SORCS1: variants seen among roughly 807,000 people sequenced by gnomAD.
SORCS1 encodes the protein VPS10 domain-containing receptor SorCS1.
In SORCS1, 60 loss-of-function variants were observed where a neutral mutation model predicts 146.1. The ratio of observed to expected loss-of-function variants is 0.41; its 90% CI spans 0.33 to 0.51. SORCS1 has a LOEUF of 0.51. Ranked by LOEUF, SORCS1 falls within the 20% of genes least tolerant of loss-of-function variation. The pLI is 0.21. For missense variants in SORCS1, 1,352 were observed against 1,487.6 expected (o/e 0.91, Z 1.50); for synonymous variants, 637 against 584.0 (o/e 1.09, Z -1.31).
chr10:107,086,491 T>C (rs1343066246), intron 1 of SORCS1, among the ~76,000 whole-genome samples: 1 of 152,260 alleles, frequency 6.6e-6, no homozygotes, highest in Non-Finnish European at 1.5e-5. Context: ...TATGGCATGT[T>C]GGAAAGACCA....
intron 23 of SORCS1, among the ~76,000 whole-genome samples, chr10:106,606,303 A>G (rs1846583407): frequency 1.1e-5 from 1 of 91,488 alleles, no homozygotes; most frequent in Non-Finnish European, 3.1e-5. Context: ...ACACACACAC[A>G]CACACACACA....
At chr10:107,160,740 C>T (rs1969639217) in intron 1 of SORCS1, among the ~76,000 whole-genome samples, 2 of 152,160 alleles carry the variant, frequency 1.3e-5, no homozygotes, top group Non-Finnish European at 2.9e-5. Context: ...GAGATATTAA[C>T]ACCCGTCACC....
At chr10:107,006,047 T>C (rs991759335) in intron 1 of SORCS1, among the ~76,000 whole-genome samples, 4 of 152,250 alleles carry the variant, frequency 2.6e-5, no homozygotes, top group African/African-American at 7.2e-5. Flanking sequence ...TTGTCCAATT[T>C]AATACATATC....
intron 1 of SORCS1, among the ~76,000 whole-genome samples, chr10:106,971,341 C>T (rs1955778278): frequency 1.3e-5 from 2 of 152,236 alleles, no homozygotes; most frequent in East Asian, 1.9e-4. Context: ...TAAGGAATTC[C>T]AGTATTTGTG....
intron 1 of SORCS1, among the ~76,000 whole-genome samples, chr10:107,003,876 T>C (rs947464411): frequency 4.6e-5 from 7 of 152,092 alleles, no homozygotes; most frequent in Non-Finnish European, 1.0e-4. Flanking sequence ...ACAAATCCCT[T>C]TTTAAAGCAG....
intron 1 of SORCS1, among the ~76,000 whole-genome samples, chr10:106,992,560 TCACAG>T (rs887005246): frequency 2.0e-5 from 3 of 151,968 alleles, no homozygotes; most frequent in African/African-American, 7.2e-5. Flanking sequence ...AGTGGCACAA[TCACAG>T]CTCACTGCAG....
intron 1 of SORCS1, among the ~76,000 whole-genome samples, chr10:107,005,582 A>G (rs777856732): frequency 3.9e-5 from 6 of 152,198 alleles, no homozygotes; most frequent in African/African-American, 9.7e-5. Flanking sequence ...GAATACCTAC[A>G]TATTATGTAC....
chr10:106,990,684 G>C (rs913038861), intron 1 of SORCS1, among the ~76,000 whole-genome samples: 1 of 152,172 alleles, frequency 6.6e-6, no homozygotes, highest in African/African-American at 2.4e-5. Flanking sequence ...AGGACTTAAG[G>C]AGATCGGAGA....
At chr10:106,712,606 G>C (rs182518548) in intron 6 of SORCS1, among the ~76,000 whole-genome samples, 2 of 151,782 alleles carry the variant, frequency 1.3e-5, no homozygotes, top group Non-Finnish European at 2.9e-5. Context: ...TACTTTAGCT[G>C]TAAGAATTAA....
intron 2 of SORCS1, among the ~76,000 whole-genome samples, chr10:106,885,300 T>C (rs561749593): frequency 6.6e-6 from 1 of 151,098 alleles, no homozygotes; most frequent in African/African-American, 2.4e-5. Context: ...GGGGGGAACT[T>C]GAAGAAAGGG....
chr10:106,700,648 T>C (rs821950), intron 8 of SORCS1, among the ~76,000 whole-genome samples: 140,773 of 152,144 alleles, frequency 0.93, 65,393 homozygotes, highest in Middle Eastern at 0.98. Context: ...CTAAATTTCT[T>C]ATTGTCATAT....
intron 1 of SORCS1, among the ~76,000 whole-genome samples, chr10:107,074,566 G>A (rs1307033828): frequency 6.6e-6 from 1 of 152,160 alleles, no homozygotes; most frequent in Admixed American, 6.5e-5. Context: ...ATTGCAAGGA[G>A]TGCAATTGCT....
At chr10:106,918,184 G>A (rs745865446) in intron 2 of SORCS1, among the ~76,000 whole-genome samples, 41 of 152,094 alleles carry the variant, frequency 2.7e-4, no homozygotes, top group Non-Finnish European at 4.3e-4. Flanking sequence ...TTTTTGATAC[G>A]GAGTCTCGCT....
chr10:106,896,650 T>C (rs1820428892), intron 2 of SORCS1, among the ~76,000 whole-genome samples: 1 of 151,802 alleles, frequency 6.6e-6, no homozygotes, highest in Admixed American at 6.6e-5. Flanking sequence ...TTAGGTTATA[T>C]GTTTTTTACA....
rs750976447 is a variant in SORCS1, at chr10:106,627,420, GATA to G, written c.2662+1779_2662+1781del. Among the ~76,000 whole-genome samples, 19 of 152,322 alleles carry G rather than the reference GATA, an allele frequency of 1.2e-4. No individual in the cohort carries two copies. In the East Asian group the frequency reaches 1.3e-3, roughly 11 times the overall value. On this transcript the variant is annotated intron_variant, in intron 19 of 25. Transcript: ENST00000263054. ...TCACCCCTTATAGAATAAGCTATGAGATAATAATATGGTCTAGGTAGGAGCCAT... is the reference window on the plus strand; with the variant it reads ...TCACCCCTTATAGAATAAGCTATGAGATAATATGGTCTAGGTAGGAGCCAT...
intron 18 of SORCS1, among the ~76,000 whole-genome samples, chr10:106,640,288 T>C (rs902646820): frequency 3.9e-5 from 6 of 152,210 alleles, no homozygotes; most frequent in African/African-American, 1.4e-4. Context: ...TCAATGTATG[T>C]GAAATTACGG....
At chr10:106,766,806 T>G (rs1411803513) in intron 4 of SORCS1, among the ~76,000 whole-genome samples, 1 of 152,212 alleles carries the variant, frequency 6.6e-6, no homozygotes, top group Non-Finnish European at 1.5e-5. Context: ...GTGCACAGTG[T>G]TGTAGTGGCC....
intron 1 of SORCS1, among the ~76,000 whole-genome samples, chr10:107,007,811 G>T (rs537119957): frequency 1.5e-4 from 22 of 149,876 alleles, no homozygotes; most frequent in Non-Finnish European, 8.8e-5. Context: ...TACCATGCGA[G>T]GCTCAGGCCC....
chr10:107,038,048 C>T (rs1958979676), intron 1 of SORCS1, among the ~76,000 whole-genome samples: 1 of 152,208 alleles, frequency 6.6e-6, no homozygotes, highest in African/African-American at 2.4e-5. Context: ...GTCTCAAACT[C>T]CTGGCCTCAG....
Sources: gnomAD v4.1 joint callset for allele counts (sites outside exome capture counted in the v4.1 genomes callset) on GRCh38, gnomAD v4.1.1 for gene constraint, MANE v1.5 for transcripts, NCBI Gene and HGNC (gene_info 2026-07-23, HGNC 2026-07-21) for gene names.